Variants in PHKB observed in about 807,000 individuals in gnomAD.
PHKB encodes the protein phosphorylase b kinase regulatory subunit beta.
PHKB carries 122 observed loss-of-function variants against 152.1 expected under a neutral mutation model. That is an observed-to-expected ratio of 0.80 (90% CI 0.69 to 0.93). The LOEUF is 0.93. PHKB is among the 40% of genes least tolerant of loss of function. The pLI is 0.00. For synonymous variants in PHKB, 436 were observed against 464.9 expected (o/e 0.94, Z 0.80); for missense variants, 1,304 against 1,328.4 (o/e 0.98, Z 0.29).
At chr16:47,475,704 G>A (rs758783227) in intron 1 of PHKB, among the ~76,000 whole-genome samples, 6 of 151,946 alleles carry the variant, frequency 3.9e-5, no homozygotes, top group Admixed American at 6.6e-5. Context: ...AAAATATGTC[G>A]TATTTTTAAA....
intron 4 of PHKB, among the ~76,000 whole-genome samples, chr16:47,507,864 C>T (rs572270672): frequency 5.3e-5 from 8 of 152,296 alleles, no homozygotes; most frequent in African/African-American, 1.7e-4. Flanking sequence ...TGCTGCTTGC[C>T]GTTCTTTTCC....
intron 14 of PHKB, among the ~76,000 whole-genome samples, chr16:47,637,092 A>C (rs539588019): frequency 3.9e-5 from 6 of 152,280 alleles, no homozygotes; most frequent in African/African-American, 1.2e-4. Context: ...ACTCATTGGG[A>C]TGAGCTGCCT....
intron 1 of PHKB, among the ~76,000 whole-genome samples, chr16:47,476,954 C>T (rs1278169073): frequency 6.6e-6 from 1 of 152,202 alleles, no homozygotes; most frequent in African/African-American, 2.4e-5. Flanking sequence ...CTCCTGTCTT[C>T]CTCACATTCT....
chr16:47,511,975 C>A (rs1334584631), intron 5 of PHKB, among the ~76,000 whole-genome samples: 1 of 152,104 alleles, frequency 6.6e-6, no homozygotes, highest in Non-Finnish European at 1.5e-5. Flanking sequence ...ACCTGGATCC[C>A]TCGCATGTGC....
chr16:47,593,522 A>G lies in PHKB; in HGVS notation c.1091A>G (p.Glu364Gly). 6.7e-7 allele frequency: 1 copy of G among 1,488,510 alleles called. No homozygotes were observed. Among genetic ancestry groups the G allele is most frequent in the Non-Finnish European group, 9.4e-7 (1 of 1,066,012 alleles). The allele number at this position is 1,488,510 out of a possible 1,614,324, so 92.2% of individuals were successfully genotyped here. The change falls in exon 11 of 31, where the codon GAA becomes GGA. Residue 364 changes from glutamate to glycine, a missense_variant. Coordinates refer to ENST00000323584, the MANE Select transcript of PHKB (RefSeq NM_000293.3). Reference protein sequence around the residue: ...EIKLFDGIECEFPIFFLYMMI... With the variant: ...EIKLFDGIECGFPIFFLYMMI... ...TAGCTATTTGATGGCATTGAATGTG[A>G]ATTTCCCATATTTTTCCTTTATATG...
intron 6 of PHKB, among the ~76,000 whole-genome samples, chr16:47,534,753 AC>A (rs1299121898): frequency 2.6e-5 from 4 of 152,234 alleles, no homozygotes; most frequent in Non-Finnish European, 5.9e-5. Flanking sequence ...GCAAGAAGAT[AC>A]ATTGACATCA....
At chr16:47,646,439 G>A (rs1973123683) in intron 16 of PHKB, among the ~76,000 whole-genome samples, 1 of 121,158 alleles carries the variant, frequency 8.3e-6, no homozygotes, top group Non-Finnish European at 1.7e-5. Context: ...TAGATGACAC[G>A]TTAGTGGGTG....
intron 7 of PHKB, 155 bp downstream of exon 7, chr16:47,547,703 A>C: frequency 1.6e-6 from 1 of 608,766 alleles, no homozygotes; most frequent in South Asian, 1.9e-5. Context: ...ACTTAAAATT[A>C]ACACAAAAGA....
intron 1 of PHKB, among the ~76,000 whole-genome samples, chr16:47,472,318 CT>C (rs1228280028): frequency 2.0e-5 from 3 of 152,134 alleles, no homozygotes; most frequent in Non-Finnish European, 4.4e-5. Flanking sequence ...TAAGACATAT[CT>C]TTTATGGTTT....
At chr16:47,639,484 G>C (rs1324316731) in intron 14 of PHKB, among the ~76,000 whole-genome samples, 2 of 152,118 alleles carry the variant, frequency 1.3e-5, no homozygotes, top group African/African-American at 4.8e-5. Context: ...TGTGGTAGAT[G>C]GTTTGTGAAC....
intron 1 of PHKB, among the ~76,000 whole-genome samples, chr16:47,495,139 G>A (rs973057336): frequency 4.7e-5 from 7 of 147,556 alleles, no homozygotes; most frequent in Non-Finnish European, 7.4e-5. Flanking sequence ...TTATTTTCTT[G>A]AGAGGTCTGA....
intron 7 of PHKB, chr16:47,565,030 C>A: frequency 2.7e-6 from 1 of 374,254 alleles, no homozygotes; most frequent in Non-Finnish European, 5.2e-6. Flanking sequence ...GATTTGCTCT[C>A]TAATGTTCCA....
At chr16:47,597,024 TCTC>T (rs1315258974) in intron 13 of PHKB, among the ~76,000 whole-genome samples, 3 of 152,234 alleles carry the variant, frequency 2.0e-5, no homozygotes, top group Middle Eastern at 3.4e-3. Flanking sequence ...TTTTTCATCT[TCTC>T]CTACAACTTG....
intron 27 of PHKB, among the ~76,000 whole-genome samples, chr16:47,692,003 A>G (rs989727678): frequency 7.2e-5 from 11 of 152,232 alleles, no homozygotes; most frequent in South Asian, 2.1e-4. Flanking sequence ...GCAGTGGGGT[A>G]TCCAGTTATC....
chr16:47,646,836 T>G (rs1973137469), intron 16 of PHKB, among the ~76,000 whole-genome samples: 1 of 151,858 alleles, frequency 6.6e-6, no homozygotes, highest in Admixed American at 6.6e-5. Flanking sequence ...CCTGCAGATA[T>G]AATAACACAC....
chr16:47,617,564 A>G lies in PHKB; in HGVS notation c.1458+6644A>G, dbSNP rs1597127547. On this transcript the variant is annotated intron_variant, in intron 14 of 30. Transcript: ENST00000323584. ...ATATTTGTCTTTCTGCGTGTGGCTTATTTCATTAAGCATAATTTCCATACT... is the reference window on the plus strand; with the variant it reads ...ATATTTGTCTTTCTGCGTGTGGCTTGTTTCATTAAGCATAATTTCCATACT... 2.0e-5 allele frequency among the ~76,000 whole-genome samples: 3 copies of G among 152,128 alleles called. No homozygotes were observed. The East Asian group carries it at 5.8e-4, about 29-fold the overall frequency.
At chr16:47,577,318 T>C (rs1971766291) in intron 7 of PHKB, among the ~76,000 whole-genome samples, 1 of 152,170 alleles carries the variant, frequency 6.6e-6, no homozygotes, top group Non-Finnish European at 1.5e-5. Flanking sequence ...ATAATAGTTA[T>C]CTTAAATATT....
At chr16:47,697,662 C>T (rs1381464507) in intron 29 of PHKB, among the ~76,000 whole-genome samples, 1 of 152,102 alleles carries the variant, frequency 6.6e-6, no homozygotes, top group Non-Finnish European at 1.5e-5. Context: ...CAATAAGAAT[C>T]CAAAATTGGG....
At chr16:47,608,338 G>A (rs1471384797) in intron 13 of PHKB, among the ~76,000 whole-genome samples, 1 of 152,020 alleles carries the variant, frequency 6.6e-6, no homozygotes, top group African/African-American at 2.4e-5. Flanking sequence ...GATCTATTTT[G>A]AGTTGATTTT....
Sources: allele counts gnomAD v4.1 joint callset (sites outside exome capture counted in the v4.1 genomes callset), GRCh38; gene constraint gnomAD v4.1.1; transcripts MANE v1.5; gene names NCBI Gene and HGNC (gene_info 2026-07-23, HGNC 2026-07-21).